The following SLC8A1 variants were observed in gnomAD, a reference collection of about 807,000 sequenced individuals.
SLC8A1 encodes solute carrier family 8 member A1, also known as sodium/calcium exchanger 1.
A neutral mutation model predicts 68.3 loss-of-function variants in SLC8A1; 18 were observed. That is an observed-to-expected ratio of 0.26 (90% CI 0.18 to 0.39). SLC8A1 has a LOEUF of 0.39. Among genes scored for constraint, SLC8A1 ranks in the 10% least tolerant of loss-of-function variants. The pLI is 1.00. For missense variants in SLC8A1, 985 were observed against 1,156.7 expected (o/e 0.85, Z 2.15); for synonymous variants, 475 against 415.5 (o/e 1.14, Z -1.74).
intron 2 of SLC8A1, among the ~76,000 whole-genome samples, chr2:40,350,379 G>A (rs370282493): frequency 4.3e-4 from 65 of 151,986 alleles, no homozygotes; most frequent in African/African-American, 1.4e-3. Context: ...TACTCAGGAG[G>A]CTGAGGTGGG....
At chr2:40,253,483 G>A (rs1328871882) in intron 2 of SLC8A1, among the ~76,000 whole-genome samples, 4 of 151,942 alleles carry the variant, frequency 2.6e-5, no homozygotes, top group Admixed American at 6.6e-5. Flanking sequence ...ACTCATATGT[G>A]GGAGATAAAA....
At chr2:40,337,484 A>G (rs531061435) in intron 2 of SLC8A1, among the ~76,000 whole-genome samples, 3 of 152,204 alleles carry the variant, frequency 2.0e-5, no homozygotes, top group African/African-American at 7.2e-5. Flanking sequence ...CAAGAAAAAC[A>G]ACAAACCACT....
At chr2:40,278,290 G>A (rs1485811327) in intron 2 of SLC8A1, among the ~76,000 whole-genome samples, 1 of 151,916 alleles carries the variant, frequency 6.6e-6, no homozygotes. Flanking sequence ...CCAACATGGT[G>A]GAACCCCATC....
chr2:40,248,874 A>C (rs548904794), intron 2 of SLC8A1, among the ~76,000 whole-genome samples: 1 of 152,200 alleles, frequency 6.6e-6, no homozygotes, highest in Non-Finnish European at 1.5e-5. Flanking sequence ...TTATTTATCT[A>C]TGCATAGTGA....
At chr2:40,415,049 G>T (rs960104121) in intron 2 of SLC8A1, among the ~76,000 whole-genome samples, 6 of 152,166 alleles carry the variant, frequency 3.9e-5, no homozygotes, top group African/African-American at 1.4e-4. Context: ...TTAAGGACAG[G>T]ACTCTGAGGA....
intron 2 of SLC8A1, among the ~76,000 whole-genome samples, chr2:40,309,603 T>A (rs1246821363): frequency 6.6e-6 from 1 of 150,904 alleles, no homozygotes; most frequent in Non-Finnish European, 1.5e-5. Flanking sequence ...GCTCCCAGGT[T>A]CAAGAGATTC....
In SLC8A1 at chr2:40,184,898, CAAAAAAA is replaced by C. The variant is rs66662572; in HGVS notation, c.1809-7050_1809-7044del. 1.1e-4 allele frequency among the ~76,000 whole-genome samples: 12 copies of C among 106,524 alleles called. No individual in the cohort carries two copies. In the East Asian group the frequency reaches 1.5e-3, roughly 13 times the overall value. The allele number at this position is 106,524 out of a possible 152,430, so 69.9% of individuals were successfully genotyped here. Reference sequence around the variant, plus strand: ...CTTACAAAGACAAACTAACCAAAAACAAAAAAAAAAAAAAAAAAAAAGGAAAAGAAAG... The same window carrying C: ...CTTACAAAGACAAACTAACCAAAAACAAAAAAAAAAAAAAGGAAAAGAAAG... On this transcript the variant is annotated intron_variant, in intron 2 of 7. Coordinates refer to ENST00000406785, the Ensembl canonical transcript of SLC8A1.
intron 2 of SLC8A1, among the ~76,000 whole-genome samples, chr2:40,262,702 T>C (rs2064866897): frequency 6.6e-6 from 1 of 152,244 alleles, no homozygotes; most frequent in Non-Finnish European, 1.5e-5. Context: ...ACAGACAGGT[T>C]GTTCATGGAG....
intron 7 of SLC8A1, among the ~76,000 whole-genome samples, chr2:40,135,544 C>CT (rs1558483630): frequency 5.7e-4 from 86 of 152,148 alleles, no homozygotes; most frequent in African/African-American, 2.0e-3. Flanking sequence ...ACGGTGAAAT[C>CT]CTCTCTCTAC....
intron 2 of SLC8A1, among the ~76,000 whole-genome samples, chr2:40,417,318 T>A (rs561733309): frequency 6.6e-6 from 1 of 152,210 alleles, no homozygotes; most frequent in East Asian, 1.9e-4. Flanking sequence ...CTCTCCCTAA[T>A]ATCAAAGAAG....
intron 2 of SLC8A1, among the ~76,000 whole-genome samples, chr2:40,327,867 T>A (rs2076013526): frequency 6.6e-6 from 1 of 152,048 alleles, no homozygotes; most frequent in Admixed American, 6.6e-5. Flanking sequence ...TATACCCATG[T>A]AACAAACCTG....
intron 2 of SLC8A1, among the ~76,000 whole-genome samples, chr2:40,317,610 AT>A (rs1412184607): frequency 6.6e-6 from 1 of 152,128 alleles, no homozygotes; most frequent in African/African-American, 2.4e-5. Flanking sequence ...AAATAGGAAT[AT>A]TTATTTAAAA....
At chr2:40,304,179 C>T (rs909829757) in intron 2 of SLC8A1, among the ~76,000 whole-genome samples, 11 of 152,144 alleles carry the variant, frequency 7.2e-5, no homozygotes, top group African/African-American at 2.4e-4. Context: ...TACAGAAGAG[C>T]CCCTGGAAAA....
At chr2:40,254,379 C>CTTAAG (rs2063524060) in intron 2 of SLC8A1, 1 of 147,772 alleles carries the variant, frequency 6.8e-6, no homozygotes, top group South Asian at 2.2e-4. Flanking sequence ...TCAAAATGCT[C>CTTAAG]TTAAGTTGTA....
chr2:40,398,957 A>C (rs907967906), intron 2 of SLC8A1, among the ~76,000 whole-genome samples: 1 of 152,198 alleles, frequency 6.6e-6, no homozygotes, highest in Admixed American at 6.5e-5. Flanking sequence ...TCTATCATCT[A>C]TATATTTGAC....
At chr2:40,497,897 G>A (rs887581599) in intron 1 of SLC8A1, among the ~76,000 whole-genome samples, 1 of 152,032 alleles carries the variant, frequency 6.6e-6, no homozygotes, top group Non-Finnish European at 1.5e-5. Context: ...GCAACAACGT[G>A]GGGAATAGTA....
chr2:40,438,820 C>T (rs989531531), intron 1 of SLC8A1, among the ~76,000 whole-genome samples: 2 of 152,032 alleles, frequency 1.3e-5, no homozygotes, highest in African/African-American at 4.8e-5. Flanking sequence ...ACAACAATCC[C>T]AGGTGATTGT....
intron 7 of SLC8A1, among the ~76,000 whole-genome samples, chr2:40,133,395 G>C (rs1358093974): frequency 3.3e-4 from 1 of 3,012 alleles, no homozygotes; most frequent in African/African-American, 3.6e-4. Flanking sequence ...CAAAATTGGG[G>C]GGGGGGGGGG....
chr2:40,480,753 C>T (rs1003380001), intron 1 of SLC8A1, among the ~76,000 whole-genome samples: 2 of 152,146 alleles, frequency 1.3e-5, no homozygotes, highest in African/African-American at 4.8e-5. Flanking sequence ...AGTCTCCTCC[C>T]AGTCCACATA....
Sources: allele counts gnomAD v4.1 joint callset (sites outside exome capture counted in the v4.1 genomes callset), GRCh38; gene constraint gnomAD v4.1.1; transcripts MANE v1.5; gene names NCBI Gene and HGNC (gene_info 2026-07-23, HGNC 2026-07-21).